Variants in DEPTOR observed in about 807,000 individuals in gnomAD.
DEPTOR encodes DEP domain containing MTOR interacting protein.
In DEPTOR, 41 loss-of-function variants were observed where a neutral mutation model predicts 41.6. The ratio of observed to expected loss-of-function variants is 0.98; its 90% CI spans 0.77 to 1.28. The LOEUF (loss-of-function observed/expected upper bound fraction) is 1.28, where lower values mean the gene tolerates loss of function less well. Ranked by LOEUF, DEPTOR falls within the 50% of genes most tolerant of loss-of-function variation. The pLI is 0.00. For synonymous variants in DEPTOR, 195 were observed against 192.3 expected, an observed-to-expected ratio of 1.01 and a Z score of -0.12; for missense variants, 514 against 527.9, an observed-to-expected ratio of 0.97 and a Z score of 0.26.
At chr8:120,049,377 G>A (rs1434319458) in intron 8 of DEPTOR, among the ~76,000 whole-genome samples, 199 bp from the exon 9 acceptor site, 2 of 145,900 alleles carry the variant, frequency 1.4e-5, no homozygotes, top group East Asian at 1.9e-4. Flanking sequence ...ACACTAAAAC[G>A]ATTTTTTTTT....
rs146366668 is a variant in DEPTOR at position 119,914,145 on chromosome 8, A to C, written c.123-14255A>C. Among the ~76,000 whole-genome samples the C allele has an allele frequency of 4.8e-3, 718 of 151,034 alleles. 5 individuals are homozygous for C. Among genetic ancestry groups the C allele is most frequent in the African/African-American group, 0.016 (654 of 41,106 alleles). On this transcript the variant is annotated intron_variant, in intron 1 of 8. Transcript: ENST00000286234. ...ACTACAACCTCCACCTCCTGGGTTC[A>C]AGCGATTCTCCTTCCTCAGCCTCCC...
intron 3 of DEPTOR, among the ~76,000 whole-genome samples, chr8:119,941,513 T>C (rs974069667): frequency 2.0e-4 from 30 of 152,026 alleles, no homozygotes; most frequent in African/African-American, 6.5e-4. Flanking sequence ...GCTTATCTTA[T>C]CAGTGTACTG....
chr8:120,026,626 A>G (rs1208199279), intron 8 of DEPTOR, among the ~76,000 whole-genome samples: 8 of 152,110 alleles, frequency 5.3e-5, no homozygotes, highest in Non-Finnish European at 1.0e-4. Context: ...TACAGGCATG[A>G]GTCACTGCAC....
At chr8:120,001,814 A>T in intron 5 of DEPTOR, 104 bp downstream of exon 5, 1 of 1,325,970 alleles carries the variant, frequency 7.5e-7, no homozygotes. Context: ...AGAGCGTAGA[A>T]TTTTTACTTA....
At chr8:119,918,938 AGTGTGTGTGTGT>A (rs751715374) in intron 1 of DEPTOR, among the ~76,000 whole-genome samples, 1 of 133,556 alleles carries the variant, frequency 7.5e-6, no homozygotes, top group South Asian at 2.6e-4. Flanking sequence ...TTGCATAGTG[AGTGTGTGTGTGT>A]GTGTGTGTGT....
intron 4 of DEPTOR, among the ~76,000 whole-genome samples, chr8:119,991,630 C>T (rs1812175737): frequency 6.6e-6 from 1 of 152,052 alleles, no homozygotes; most frequent in Non-Finnish European, 1.5e-5. Flanking sequence ...GCTATTGTTT[C>T]CTTCTTTGCA....
chr8:120,044,431 A>G (rs192886271), intron 8 of DEPTOR, among the ~76,000 whole-genome samples: 196 of 152,236 alleles, frequency 1.3e-3, no homozygotes, highest in African/African-American at 4.6e-3. Context: ...AGCCTGGAGA[A>G]CCAAGCTTGA....
chr8:119,880,091 G>A (rs971593274), intron 1 of DEPTOR, among the ~76,000 whole-genome samples: 7 of 151,662 alleles, frequency 4.6e-5, no homozygotes, highest in Non-Finnish European at 1.0e-4. Context: ...GCAGTGAGCC[G>A]AGATTGCGCC....
intron 3 of DEPTOR, among the ~76,000 whole-genome samples, chr8:119,959,649 C>G (rs186110141): frequency 6.6e-6 from 1 of 151,974 alleles, no homozygotes; most frequent in African/African-American, 2.4e-5. Flanking sequence ...GCCTCAGCCT[C>G]CCACCACAGT....
intron 1 of DEPTOR, among the ~76,000 whole-genome samples, chr8:119,907,503 C>T (rs916993694): frequency 6.6e-6 from 1 of 152,122 alleles, no homozygotes; most frequent in Non-Finnish European, 1.5e-5. Flanking sequence ...ATGATTCCTG[C>T]CCTTAGGGAG....
At position 120,050,284 on chromosome 8, in the gene DEPTOR, G is replaced by T. The variant is rs542951834; in HGVS notation, c.*580G>T. On this transcript the variant is annotated 3_prime_UTR_variant, in exon 9 of 9. Coordinates refer to ENST00000286234, the MANE Select transcript of DEPTOR (RefSeq NM_022783.4). ...TCCTGCCTTTAGTGTCAACTTTTAA[G>T]TTAATACAGGTTTCAATTGTGGCAT... The T allele has an allele frequency of 3.3e-5, 5 of 150,782 alleles. No homozygotes were observed. Among genetic ancestry groups the T allele is most frequent in the Non-Finnish European group, 5.9e-5 (4 of 67,870 alleles). The allele number at this position is 150,782 out of a possible 1,614,324, so 9.3% of individuals were successfully genotyped here. A position where few individuals can be genotyped will look rare whatever the true frequency, so the allele number is the denominator to read the frequency against.
At chr8:119,923,274 C>T (rs1418714176) in intron 1 of DEPTOR, among the ~76,000 whole-genome samples, 1 of 151,812 alleles carries the variant, frequency 6.6e-6, no homozygotes, top group Non-Finnish European at 1.5e-5. Flanking sequence ...GATGAGGTCT[C>T]TCTGTGGTGC....
At chr8:119,955,800 T>TA (rs1376018979) in intron 3 of DEPTOR, among the ~76,000 whole-genome samples, 1 of 152,152 alleles carries the variant, frequency 6.6e-6, no homozygotes, top group Non-Finnish European at 1.5e-5. Flanking sequence ...AGGTATATAT[T>TA]AAAAACCACT....
intron 3 of DEPTOR, among the ~76,000 whole-genome samples, chr8:119,946,193 T>C (rs1202943694): frequency 6.6e-6 from 1 of 151,802 alleles, no homozygotes; most frequent in Non-Finnish European, 1.5e-5. Context: ...GGCACCAAAT[T>C]GACAAAAAAC....
chr8:119,916,926 C>T (rs76650819), intron 1 of DEPTOR, among the ~76,000 whole-genome samples: 4,378 of 152,286 alleles, frequency 0.029, 82 homozygotes, highest in Non-Finnish European at 0.047. Flanking sequence ...TGCCGCCACA[C>T]GTAGCTAATT....
At chr8:119,894,404 A>AT (rs1247658300) in intron 1 of DEPTOR, among the ~76,000 whole-genome samples, 1 of 150,030 alleles carries the variant, frequency 6.7e-6, no homozygotes, top group Non-Finnish European at 1.5e-5. Context: ...TTATTTATTT[A>AT]TTTATTTTTT....
At chr8:119,971,791 G>A (rs28760377) in intron 4 of DEPTOR, among the ~76,000 whole-genome samples, 61,249 of 151,960 alleles carry the variant, frequency 0.4, 13,457 homozygotes, top group South Asian at 0.56. Flanking sequence ...TACCCATGTT[G>A]AGGTGCAGAG....
intron 1 of DEPTOR, among the ~76,000 whole-genome samples, chr8:119,884,310 G>C (rs186105905): frequency 3.9e-5 from 6 of 152,076 alleles, no homozygotes; most frequent in Non-Finnish European, 1.5e-5. Context: ...TGCCCACCTC[G>C]GCCTCCCAAA....
chr8:119,925,380 ACT>A (rs1827950622), intron 1 of DEPTOR, among the ~76,000 whole-genome samples: 1 of 151,976 alleles, frequency 6.6e-6, no homozygotes, highest in Non-Finnish European at 1.5e-5. Flanking sequence ...ACAGAGTGAG[ACT>A]CTGCCTCAAA....
Sources: allele counts gnomAD v4.1 joint callset (sites outside exome capture counted in the v4.1 genomes callset), GRCh38; gene constraint gnomAD v4.1.1; transcripts MANE v1.5; gene names NCBI Gene and HGNC (gene_info 2026-07-23, HGNC 2026-07-21).